Variants in LRCH1 observed in about 807,000 individuals in gnomAD.
LRCH1 encodes the protein leucine-rich repeat and calponin homology domain-containing protein 1.
LRCH1 carries 23 observed loss-of-function variants against 94.9 expected under a neutral mutation model. The observed-to-expected ratio is 0.24, with a 90% confidence interval of 0.17 to 0.34. The LOEUF is 0.34. Ranked by LOEUF, LRCH1 falls within the 10% of genes least tolerant of loss-of-function variation. The probability of loss-of-function intolerance (pLI) is 1.00; values close to 1 mark genes in which losing one functional copy is unlikely to be tolerated. For synonymous variants in LRCH1, 364 were observed against 354.9 expected (o/e 1.03, Z -0.29); for missense variants, 790 against 945.9 (o/e 0.84, Z 2.16).
At chr13:46,575,464 T>C (rs2050292990) in intron 1 of LRCH1, among the ~76,000 whole-genome samples, 1 of 151,242 alleles carries the variant, frequency 6.6e-6, no homozygotes, top group Admixed American at 6.6e-5. Context: ...TTCTCTAAGT[T>C]GAAGGACACA....
At chr13:46,747,195 G>C (rs549490178), downstream of LRCH1, among the ~76,000 whole-genome samples, 3 of 152,202 alleles carry the variant, frequency 2.0e-5, no homozygotes, top group African/African-American at 7.2e-5. Flanking sequence ...TCTGCACCTG[G>C]CTTGGAATGT....
chr13:46,613,566 C>A (rs1219532157), intron 1 of LRCH1, among the ~76,000 whole-genome samples: 1 of 152,044 alleles, frequency 6.6e-6, no homozygotes, highest in South Asian at 2.1e-4. Flanking sequence ...AGGCCCAAAG[C>A]GTGATTGGCT....
chr13:46,636,021 AG>A (rs2051083264), intron 1 of LRCH1, among the ~76,000 whole-genome samples: 1 of 150,286 alleles, frequency 6.7e-6, no homozygotes, highest in African/African-American at 2.4e-5. Flanking sequence ...AATTTTGGTA[AG>A]ACATATACAA....
chr13:46,594,885 C>T (rs528112065), intron 1 of LRCH1, among the ~76,000 whole-genome samples: 2 of 151,904 alleles, frequency 1.3e-5, no homozygotes, highest in East Asian at 1.9e-4. Context: ...GTAACAAGAG[C>T]GCAGTTTAGA....
chr13:46,602,695 G>C (rs2050640525), intron 1 of LRCH1, among the ~76,000 whole-genome samples: 1 of 152,142 alleles, frequency 6.6e-6, no homozygotes, highest in African/African-American at 2.4e-5. Flanking sequence ...GCTCATGTCT[G>C]TAATCCCTAC....
chr13:46,636,400 C>T (rs147471755), intron 1 of LRCH1, among the ~76,000 whole-genome samples: 69 of 152,208 alleles, frequency 4.5e-4, no homozygotes, highest in Middle Eastern at 3.4e-3. Flanking sequence ...GTGTGCAATT[C>T]GGTAATGTCA....
At chr13:46,696,204 A>ACG (rs917472175) in intron 9 of LRCH1, among the ~76,000 whole-genome samples, 18 of 126,430 alleles carry the variant, frequency 1.4e-4, no homozygotes, top group African/African-American at 9.5e-4. Flanking sequence ...GTACACACAC[A>ACG]CACACACACA....
At chr13:46,666,892 G>C (rs1023384973) in intron 2 of LRCH1, among the ~76,000 whole-genome samples, 1 of 152,154 alleles carries the variant, frequency 6.6e-6, no homozygotes, top group Non-Finnish European at 1.5e-5. Context: ...AGCCTTGGGA[G>C]GGATGTGAGA....
intron 2 of LRCH1, among the ~76,000 whole-genome samples, chr13:46,659,329 A>G (rs1306911337): frequency 1.3e-5 from 2 of 152,068 alleles, no homozygotes; most frequent in East Asian, 1.9e-4. Flanking sequence ...AGTAGCTGGG[A>G]TTACAGGCTC....
At chr13:46,558,245 A>C (rs1200454650) in intron 1 of LRCH1, among the ~76,000 whole-genome samples, 1 of 152,252 alleles carries the variant, frequency 6.6e-6, no homozygotes, top group Non-Finnish European at 1.5e-5. Flanking sequence ...AGGCAGGTCA[A>C]GGTGAGGTGC....
chr13:46,589,262 T>C (rs900284399), intron 1 of LRCH1, among the ~76,000 whole-genome samples: 1 of 152,156 alleles, frequency 6.6e-6, no homozygotes, highest in South Asian at 2.1e-4. Flanking sequence ...GGTCTCAGAC[T>C]CAAGTGATCC....
chr13:46,649,748 G>T lies in LRCH1; in HGVS notation c.308-453G>T, dbSNP rs142968317. Among the ~76,000 whole-genome samples, 460 of 151,894 alleles carry T rather than the reference G, an allele frequency of 3.0e-3. 7 individuals carry two copies. The highest frequency in any genetic ancestry group is 0.011 in the African/African-American group (438 of 41,386). ...AGAGGCTGAGGTAGAAGGAACACCT[G>T]AGCCTGGGAGGTTGAGATTGCAGTG... On this transcript the variant is annotated intron_variant, in intron 1 of 19. Transcript: ENST00000389797.
chr13:46,649,281 A>G (rs1256165121), intron 1 of LRCH1, among the ~76,000 whole-genome samples: 1 of 152,212 alleles, frequency 6.6e-6, no homozygotes, highest in Non-Finnish European at 1.5e-5. Context: ...CTCTTCTGAT[A>G]CAGGGTGAGG....
intron 1 of LRCH1, among the ~76,000 whole-genome samples, chr13:46,649,566 T>C (rs1419911934): frequency 2.0e-5 from 3 of 152,206 alleles, no homozygotes; most frequent in Non-Finnish European, 2.9e-5. Flanking sequence ...CAGATACAAT[T>C]TATCTCAGTC....
intron 17 of LRCH1, 143 bp from the exon 18 acceptor site, chr13:46,728,704 T>C: frequency 1.3e-6 from 1 of 765,568 alleles, no homozygotes. Flanking sequence ...AAGAGTTAAA[T>C]AATGTCAGTG....
chr13:46,583,666 A>G (rs780654638), intron 1 of LRCH1, among the ~76,000 whole-genome samples: 33 of 152,328 alleles, frequency 2.2e-4, no homozygotes, highest in Non-Finnish European at 4.6e-4. Context: ...AAATGTTATC[A>G]ATGTGATTTA....
At chr13:46,563,190 G>A (rs1346920570) in intron 1 of LRCH1, among the ~76,000 whole-genome samples, 7 of 152,130 alleles carry the variant, frequency 4.6e-5, no homozygotes, top group Non-Finnish European at 1.0e-4. Context: ...ATTGTGTAAG[G>A]AGCATAGCCA....
At chr13:46,751,257 T>C (rs1874122865) in exon 19 of LRCH1, 1 of 152,190 alleles carries the variant, frequency 6.6e-6, no homozygotes, top group Non-Finnish European at 1.5e-5. Flanking sequence ...TGAGTTATTT[T>C]CTATCCTCTT....
intron 2 of LRCH1, 33 bp downstream of exon 2, chr13:46,650,378 A>G: frequency 6.5e-7 from 1 of 1,530,754 alleles, no homozygotes; most frequent in Non-Finnish European, 8.8e-7. Flanking sequence ...AATCAAATTC[A>G]GTGAAAGAAA....
Sources: allele counts gnomAD v4.1 joint callset (sites outside exome capture counted in the v4.1 genomes callset), GRCh38; gene constraint gnomAD v4.1.1; transcripts MANE v1.5; gene names NCBI Gene and HGNC (gene_info 2026-07-23, HGNC 2026-07-21).